The following ADGRG6 variants were observed in gnomAD, a reference collection of about 807,000 sequenced individuals.
ADGRG6 encodes the protein adhesion G protein-coupled receptor G6, also known as G-protein coupled receptor 126.
A neutral mutation model predicts 142.4 loss-of-function variants in ADGRG6; 84 were observed. The observed-to-expected ratio is 0.59, with a 90% CI of 0.49 to 0.71. ADGRG6 has a LOEUF of 0.71. Among genes scored for constraint, ADGRG6 ranks in the 30% least tolerant of loss-of-function variants. The pLI is 0.00. For synonymous variants in ADGRG6, 521 were observed against 520.5 expected (o/e 1.00, Z -0.01); for missense variants, 1,367 against 1,466.6 (o/e 0.93, Z 1.11).
intron 2 of ADGRG6, among the ~76,000 whole-genome samples, chr6:142,352,392 A>T (rs1476590377): frequency 6.6e-6 from 1 of 152,144 alleles, no homozygotes; most frequent in African/African-American, 2.4e-5. Context: ...ACATGTTCTC[A>T]CTTATAAGTG....
intron 2 of ADGRG6, among the ~76,000 whole-genome samples, chr6:142,361,902 A>G (rs1184991637): frequency 6.6e-6 from 1 of 152,012 alleles, no homozygotes; most frequent in Non-Finnish European, 1.5e-5. Flanking sequence ...ACATATGCAT[A>G]CCCATGTGCT....
chr6:142,416,425 A>G (rs1776361805), intron 20 of ADGRG6, among the ~76,000 whole-genome samples: 1 of 152,198 alleles, frequency 6.6e-6, no homozygotes, highest in Non-Finnish European at 1.5e-5. Context: ...ACGGCTAGTT[A>G]CACTCATCCC....
chr6:142,386,314 A>G (rs934340221), intron 6 of ADGRG6, among the ~76,000 whole-genome samples: 3 of 152,236 alleles, frequency 2.0e-5, no homozygotes, highest in Non-Finnish European at 2.9e-5. Flanking sequence ...GCTGATTGAT[A>G]TAAACAAGAG....
chr6:142,442,691 C>G (rs1381245479), intron 24 of ADGRG6, among the ~76,000 whole-genome samples: 17 of 151,622 alleles, frequency 1.1e-4, no homozygotes. Context: ...CAAGAAGTAC[C>G]CTTTTTGCTA....
intron 2 of ADGRG6, among the ~76,000 whole-genome samples, chr6:142,336,951 A>G (rs1165888713): frequency 2.0e-5 from 3 of 152,156 alleles, no homozygotes; most frequent in African/African-American, 7.2e-5. Context: ...GGACTTTGAT[A>G]TTGAGGTGTG....
intron 14 of ADGRG6, 28 bp from the exon 15 acceptor site, chr6:142,405,660 G>C (rs368098780): frequency 1.9e-6 from 3 of 1,573,370 alleles, no homozygotes; most frequent in Non-Finnish European, 2.6e-6. Context: ...ATGATTACTT[G>C]ACCAATATAT....
chr6:142,419,656 C>T (rs1278746076), intron 21 of ADGRG6, among the ~76,000 whole-genome samples, 165 bp from the exon 22 acceptor site: 1 of 151,980 alleles, frequency 6.6e-6, no homozygotes, highest in African/African-American at 2.4e-5. Context: ...AACAAAAGAC[C>T]TATGAAGAGA....
Position 142,359,911 on chromosome 6 carries a change from A to G in ADGRG6, c.104-7658A>G, listed in dbSNP as rs562413138. On this transcript the variant is annotated intron_variant, in intron 2 of 24. Transcript: ENST00000367609. ...AGAGAAAACTTACCTTCATACTAGGATATTGATAGATCTTTCTGGTAGTGA... is the reference window on the plus strand; with the variant it reads ...AGAGAAAACTTACCTTCATACTAGGGTATTGATAGATCTTTCTGGTAGTGA... Among the ~76,000 whole-genome samples the G allele has an allele frequency of 5.9e-5, 9 of 152,278 alleles. No individual in the cohort carries two copies. In the East Asian group the frequency reaches 1.7e-3, roughly 29 times the overall value.
In ADGRG6 at chr6:142,393,888, G is replaced by A; in HGVS notation, c.1362-8G>A. 6.5e-7 allele frequency: 1 copy of A among 1,529,316 alleles called. No individual in the cohort carries two copies. Among genetic ancestry groups the A allele is most frequent in the Non-Finnish European group, 8.9e-7 (1 of 1,124,878 alleles). The allele number at this position is 1,529,316 out of a possible 1,614,324, so 94.7% of individuals were successfully genotyped here. Reference sequence around the variant, plus strand: ...TGGATTAATGAATATATGTATTTGTGTTTTTAGTTTTCACCTGAGTGCTGG... The same window carrying A: ...TGGATTAATGAATATATGTATTTGTATTTTTAGTTTTCACCTGAGTGCTGG... On this transcript the variant is annotated splice_region_variant and splice_polypyrimidine_tract_variant and intron_variant, in intron 8 of 24. Coordinates refer to ENST00000367609, the MANE Select transcript of ADGRG6 (RefSeq NM_198569.3).
At chr6:142,332,992 C>T (rs143884788) in intron 2 of ADGRG6, among the ~76,000 whole-genome samples, 62 of 152,278 alleles carry the variant, frequency 4.1e-4, no homozygotes, top group African/African-American at 1.4e-3. Context: ...TTGGCAGTTA[C>T]TGACTGAGAA....
At position 142,331,648 on chromosome 6, in the gene ADGRG6, A is replaced by G. The variant is rs189359630; in HGVS notation, c.103+22004A>G. 5.5e-3 allele frequency among the ~76,000 whole-genome samples: 836 copies of G among 152,250 alleles called. 42 individuals are homozygous for G. The South Asian group carries it at 0.12, about 22-fold the overall frequency. On this transcript the variant is annotated intron_variant, in intron 2 of 24. Coordinates refer to ENST00000367609, the MANE Select transcript of ADGRG6 (RefSeq NM_198569.3). The stretch of plus-strand genomic sequence containing the variant: ...TAGATCTAGATTGTTACTTTTTTAA[A>G]AGCAAAAATATTGATTACTGTTGGC...
chr6:142,367,648 C>T lies in ADGRG6; in HGVS notation c.183C>T (p.Tyr61=). The change falls in exon 3 of 25, where the codon TAC becomes TAT. Residue 61 remains tyrosine, a synonymous_variant. Transcript: ENST00000367609. ...CTTCTCCATGCTACCCTAACGACTA[C>T]CCAAACAGCCAGGCTTGCATGTGGA... ...TFTSPCYPND[Y]PNSQACMWTL... is the part of the protein sequence containing the mutation. The T allele has an allele frequency of 6.2e-7, 1 of 1,613,860 alleles. No individual in the cohort carries two copies. Among genetic ancestry groups the T allele is most frequent in the Non-Finnish European group, 8.5e-7 (1 of 1,179,846 alleles).
chr6:142,367,220 C>T (rs1053351893), intron 2 of ADGRG6, among the ~76,000 whole-genome samples: 4 of 152,086 alleles, frequency 2.6e-5, no homozygotes, highest in Non-Finnish European at 4.4e-5. Context: ...TTGTGAAATT[C>T]GCTGTTGCCT....
chr6:142,383,755 A>G lies in ADGRG6; in HGVS notation c.1139-5A>G. On this transcript the variant is annotated splice_region_variant and splice_polypyrimidine_tract_variant and intron_variant, in intron 5 of 24. Transcript: ENST00000367609. ...AAATTACATCTTTCTCATCTTTATT[A>G]CCAGCTACTGTAAACTCTCCTAGTA... 1.4e-6 allele frequency: 2 copies of G among 1,438,520 alleles called. No individual in the cohort carries two copies. Among genetic ancestry groups the G allele is most frequent in the South Asian group, 1.2e-5 (1 of 85,608 alleles). The allele number at this position is 1,438,520 out of a possible 1,614,324, so 89.1% of individuals were successfully genotyped here.
intron 18 of ADGRG6, among the ~76,000 whole-genome samples, chr6:142,413,763 TA>T (rs1272557943): frequency 2.0e-5 from 3 of 152,148 alleles, no homozygotes; most frequent in African/African-American, 7.2e-5. Flanking sequence ...GATAAGAAGA[TA>T]GGGGGAGCCC....
chr6:142,382,104 A>G (rs1781798733), intron 5 of ADGRG6, 85 bp downstream of exon 5: 5 of 812,308 alleles, frequency 6.2e-6, no homozygotes, highest in Non-Finnish European at 1.0e-5. Context: ...TTTGATTTGT[A>G]TCTGAATTTT....
chr6:142,355,326 T>A lies in ADGRG6; in HGVS notation c.104-12243T>A, dbSNP rs1780391272. ...TTCATGGAGAGTGGGGAGACTATAC[T>A]GTGTTATAGTTTAGGGTTATAATAA... On this transcript the variant is annotated intron_variant, in intron 2 of 24. Transcript: ENST00000367609. Among the ~76,000 whole-genome samples the A allele has an allele frequency of 2.0e-5, 3 of 152,232 alleles. No homozygotes were observed. In the South Asian group the frequency reaches 6.2e-4, roughly 32 times the overall value.
chr6:142,302,924 C>T (rs890415053), intron 1 of ADGRG6, among the ~76,000 whole-genome samples: 1 of 152,096 alleles, frequency 6.6e-6, no homozygotes, highest in South Asian at 2.1e-4. Context: ...AGGGGACTTC[C>T]ATAGACTTAT....
intron 6 of ADGRG6, among the ~76,000 whole-genome samples, chr6:142,389,434 A>G (rs78422754): frequency 0.017 from 2,536 of 152,012 alleles, 76 homozygotes; most frequent in African/African-American, 0.057. Flanking sequence ...ACCATAATTT[A>G]AAAGGGTATT....
Sources: gnomAD v4.1 joint callset for allele counts (sites outside exome capture counted in the v4.1 genomes callset) on GRCh38, gnomAD v4.1.1 for gene constraint, MANE v1.5 for transcripts, NCBI Gene and HGNC (gene_info 2026-07-23, HGNC 2026-07-21) for gene names.